Variants in SP1 observed in about 807,000 individuals in gnomAD.
The protein encoded by SP1 is transcription factor Sp1.
SP1 carries 6 observed loss-of-function variants against 66.3 expected under a neutral mutation model. The observed-to-expected ratio is 0.09, with a 90% confidence interval of 0.05 to 0.18. The LOEUF is 0.18. Among genes scored for constraint, SP1 ranks in the 10% least tolerant of loss-of-function variants. SP1 has a pLI of 1.00. For missense variants in SP1, 848 were observed against 964.5 expected (o/e 0.88, Z 1.60); for synonymous variants, 417 against 360.8 (o/e 1.16, Z -1.77).
rs759574733 is a variant in SP1 at position 53,412,928 on chromosome 12, CTCTGTGTG to C, written c.*1690_*1697del. On this transcript the variant is annotated 3_prime_UTR_variant, in exon 6 of 6. Coordinates refer to ENST00000327443, the MANE Select transcript of SP1 (RefSeq NM_138473.3). ...ACTGTGAGGAAGTGTGGAAAAATAGCTCTGTGTGTGTGTGTGTGTGTGTGTGTGTGTGT... is the reference window on the plus strand; with the variant it reads ...ACTGTGAGGAAGTGTGGAAAAATAGCTGTGTGTGTGTGTGTGTGTGTGTGT... 33 of 116,996 alleles carry C rather than the reference CTCTGTGTG, an allele frequency of 2.8e-4. No homozygotes were observed. The highest frequency in any genetic ancestry group is 7.6e-4 in the African/African-American group (20 of 26,286). The allele number at this position is 116,996 out of a possible 1,614,324, so 7.2% of individuals were successfully genotyped here.
chr12:53,388,403 T>C (rs1362230958), intron 3 of SP1, among the ~76,000 whole-genome samples: 2 of 152,162 alleles, frequency 1.3e-5, no homozygotes, highest in Admixed American at 6.6e-5. Flanking sequence ...TTGTTACTGA[T>C]GGTGTTTGAG....
At chr12:53,404,119 C>T (rs1002864554) in intron 3 of SP1, among the ~76,000 whole-genome samples, 14 of 150,932 alleles carry the variant, frequency 9.3e-5, no homozygotes, top group African/African-American at 1.5e-4. Flanking sequence ...TGCAGTGAGC[C>T]GAGATCGCGC....
chr12:53,409,527 G>C lies in SP1; in HGVS notation c.2010G>C (p.Ser670=). Residue 670 remains serine, a synonymous_variant, in exon 5 of 6, where the codon TCG becomes TCC. Coordinates refer to ENST00000327443, the MANE Select transcript of SP1 (RefSeq NM_138473.3). ...WSYCGKRFTR[S]DELQRHKRTH... ...ACTGTGGGAAACGCTTCACACGTTC[G>C]GATGAGCTACAGAGGCACAAACGTA... is the stretch of plus-strand genomic sequence containing the variant. 1.9e-6 allele frequency: 3 copies of C among 1,614,140 alleles called. No homozygotes were observed. Among genetic ancestry groups the C allele is most frequent in the Non-Finnish European group, 2.5e-6 (3 of 1,180,026 alleles).
chr12:53,407,873 T>C (rs531615702), intron 4 of SP1, among the ~76,000 whole-genome samples: 3 of 149,638 alleles, frequency 2.0e-5, no homozygotes, highest in South Asian at 4.2e-4. Context: ...CCTGACCTTG[T>C]GATCCGCCTG....
intron 3 of SP1, among the ~76,000 whole-genome samples, chr12:53,394,450 G>A (rs1465811704): frequency 7.9e-6 from 1 of 127,222 alleles, no homozygotes; most frequent in African/African-American, 3.0e-5. Flanking sequence ...TTGCTCTGGT[G>A]CCCAGAGTGC....
chr12:53,395,865 T>C (rs1395879279), intron 3 of SP1, among the ~76,000 whole-genome samples: 2 of 151,716 alleles, frequency 1.3e-5, no homozygotes, highest in East Asian at 3.9e-4. Context: ...CTCACGCCTG[T>C]AATCACAGCA....
intron 3 of SP1, among the ~76,000 whole-genome samples, chr12:53,406,265 C>T (rs1195764602): frequency 6.6e-6 from 1 of 151,858 alleles, no homozygotes; most frequent in Admixed American, 6.6e-5. Flanking sequence ...GACGGGATTT[C>T]TCCGTATTGG....
At chr12:53,400,333 C>A (rs550234756) in intron 3 of SP1, among the ~76,000 whole-genome samples, 2 of 152,242 alleles carry the variant, frequency 1.3e-5, no homozygotes, top group East Asian at 3.9e-4. Flanking sequence ...CATGTTGTAG[C>A]ATGTGTTAGT....
chr12:53,388,032 A>G (rs935304816), intron 3 of SP1, among the ~76,000 whole-genome samples: 1 of 152,182 alleles, frequency 6.6e-6, no homozygotes, highest in Non-Finnish European at 1.5e-5. Flanking sequence ...TTAAGATTTA[A>G]TGCTCTAAAA....
chr12:53,387,973 G>A (rs1041003352), intron 3 of SP1, among the ~76,000 whole-genome samples: 5 of 151,526 alleles, frequency 3.3e-5, no homozygotes, highest in Non-Finnish European at 7.4e-5. Flanking sequence ...GTGACAGAGC[G>A]AGACTCCGTC....
At position 53,383,429 on chromosome 12, in the gene SP1, G is replaced by C; in HGVS notation, c.1482G>C (p.Gln494His). The change falls in exon 3 of 6, where the codon CAG (glutamine) becomes CAC (histidine). Residue 494 changes from glutamine (Q) to histidine (H), a missense_variant. Around this residue, in one of 7 missense-constraint regions of SP1, gnomAD observed 606 missense variants for 589.9 expected, o/e 1.03. Transcript: ENST00000327443. ...CAATGCAGGGTGTTTCCTTGGGGCA[G>C]ACCAGCAGCAGCAACACCACTCTCA... ...LAPMQGVSLG[Q>H]TSSSNTTLTP... The C allele has an allele frequency of 6.2e-7, 1 of 1,614,208 alleles. No individual in the cohort carries two copies. The highest frequency in any genetic ancestry group is 2.2e-5 in the East Asian group (1 of 44,884).
In SP1 at chr12:53,413,799, G is replaced by C. The variant is rs538350400; in HGVS notation, c.*2559G>C. 4 of 152,398 alleles carry C rather than the reference G, an allele frequency of 2.6e-5. No individual in the cohort carries two copies. Among genetic ancestry groups the C allele is most frequent in the Non-Finnish European group, 5.9e-5 (4 of 68,016 alleles). 9.4% of individuals were successfully genotyped at this position (152,398 alleles called of 1,614,324 possible). ...ATGAAATTACCAGATATAAAATAATGTAATGATGCTGAGGATATAAGCTTT... is the reference window on the plus strand; with the variant it reads ...ATGAAATTACCAGATATAAAATAATCTAATGATGCTGAGGATATAAGCTTT... On this transcript the variant is annotated 3_prime_UTR_variant, in exon 6 of 6. Coordinates refer to ENST00000327443, the MANE Select transcript of SP1 (RefSeq NM_138473.3).
In SP1 at chr12:53,382,439, A is replaced by G. The variant is rs933972429; in HGVS notation, c.492A>G (p.Leu164=). The G allele has an allele frequency of 2.5e-6, 4 of 1,614,060 alleles. No individual in the cohort carries two copies. The highest frequency in any genetic ancestry group is 3.4e-6 in the Non-Finnish European group (4 of 1,180,032). ...AGAACCAGCAAGTTCTGACAGGACT[A>G]CCTGGAGTGATGCCTAATATTCAGT... ...NLQNQQVLTG[L]PGVMPNIQYQ... The change falls in exon 3 of 6, where the codon CTA becomes CTG. Residue 164 remains leucine, a synonymous_variant. Coordinates refer to ENST00000327443, the MANE Select transcript of SP1 (RefSeq NM_138473.3).
At position 53,382,629 on chromosome 12, in the gene SP1, A is replaced by C; in HGVS notation, c.682A>C (p.Met228Leu). Reference protein sequence around the residue: ...RGSGGNIIAAMPNLLQQAVPL... With the variant: ...RGSGGNIIAALPNLLQQAVPL... The stretch of plus-strand genomic sequence containing the variant: ...AAGTGGAGGCAACATCATTGCTGCT[A>C]TGCCAAACCTACTCCAGCAGGCTGT... Residue 228 changes from methionine to leucine, a missense_variant, in exon 3 of 6, where the codon ATG (methionine) becomes CTG (leucine). Physicochemically the swap from Met to Leu is conservative, Grantham distance 15. Transcript: ENST00000327443. 2 of 1,614,204 alleles carry C rather than the reference A, an allele frequency of 1.2e-6. No individual in the cohort carries two copies. The highest frequency in any genetic ancestry group is 1.7e-6 in the Non-Finnish European group (2 of 1,180,030).
chr12:53,403,517 TA>T (rs1938658820), intron 3 of SP1, among the ~76,000 whole-genome samples: 1 of 116,540 alleles, frequency 8.6e-6, no homozygotes, highest in South Asian at 2.8e-4. Flanking sequence ...CATGCCCAGC[TA>T]ATTTTTTTTT....
chr12:53,391,210 C>T (rs980215480), intron 3 of SP1, among the ~76,000 whole-genome samples: 2 of 152,054 alleles, frequency 1.3e-5, no homozygotes, highest in Non-Finnish European at 2.9e-5. Flanking sequence ...TAGCAGTATG[C>T]AGGGCCTGGT....
chr12:53,388,372 T>G (rs1938275176), intron 3 of SP1, among the ~76,000 whole-genome samples: 1 of 152,152 alleles, frequency 6.6e-6, no homozygotes, highest in Non-Finnish European at 1.5e-5. Context: ...ATTTAATATG[T>G]CATAGACTAG....
intron 3 of SP1, among the ~76,000 whole-genome samples, chr12:53,396,006 G>A (rs988337254): frequency 5.3e-5 from 8 of 152,112 alleles, no homozygotes; most frequent in Non-Finnish European, 1.0e-4. Flanking sequence ...TGTAGTCCCA[G>A]CTACTCCAGA....
At position 53,383,249 on chromosome 12, in the gene SP1, C is replaced by T. The variant is rs755746870; in HGVS notation, c.1302C>T (p.Thr434=). Residue 434 remains threonine (T), a synonymous_variant, in exon 3 of 6, where the codon ACC becomes ACT. Transcript: ENST00000327443. The stretch of plus-strand genomic sequence containing the variant: ...CAACTCAAGCCATCTCCCAGGAAAC[C>T]CTCCAGAACCTCCAGCTTCAGGCTG... ...TFTTQAISQE[T]LQNLQLQAVP... The T allele has an allele frequency of 5.0e-6, 8 of 1,614,194 alleles. No individual in the cohort carries two copies. The highest frequency in any genetic ancestry group is 2.2e-5 in the South Asian group (2 of 91,092).
Sources: gnomAD v4.1 joint callset for allele counts (sites outside exome capture counted in the v4.1 genomes callset) on GRCh38, gnomAD v4.1.1 for gene constraint, gnomAD v4.1.1 regional missense constraint, MANE v1.5 for transcripts, NCBI Gene and HGNC (gene_info 2026-07-23, HGNC 2026-07-21) for gene names.